The following LMNB1 variants were observed in gnomAD, a reference collection of about 807,000 sequenced individuals.
The protein encoded by LMNB1 is lamin-B1.
LMNB1 carries 23 observed loss-of-function variants against 67.1 expected under a neutral mutation model. The observed-to-expected ratio is 0.34, with a 90% CI of 0.25 to 0.49. The LOEUF is 0.49. LMNB1 is among the 20% of genes least tolerant of loss of function. The pLI, the probability that LMNB1 is intolerant of heterozygous loss-of-function variation, is 0.99. For synonymous variants in LMNB1, 281 were observed against 282.9 expected (o/e 0.99, Z 0.07); for missense variants, 634 against 746.5 (o/e 0.85, Z 1.76).
At position 126,784,014 on chromosome 5, in the gene LMNB1, A is replaced by ATTTT. The variant is rs61578729; in HGVS notation, c.359+6171_359+6174dup. On this transcript the variant is annotated intron_variant, in intron 1 of 10. Transcript: ENST00000261366. Reference sequence around the variant, plus strand: ...GAGATTGTGCTTTGGCTGTCATTTGATTTTTTTTTTTTTTTTTTTTTTTTT... The same window carrying ATTTT: ...GAGATTGTGCTTTGGCTGTCATTTGATTTTTTTTTTTTTTTTTTTTTTTTTTTTT... Among the ~76,000 whole-genome samples the ATTTT allele has an allele frequency of 8.6e-4, 51 of 59,440 alleles. 8 individuals are homozygous for ATTTT. The highest frequency in any genetic ancestry group is 3.6e-3 in the African/African-American group (50 of 14,042). The allele number at this position is 59,440 out of a possible 152,430, so 39.0% of individuals were successfully genotyped here.
intron 3 of LMNB1, among the ~76,000 whole-genome samples, chr5:126,809,285 A>G (rs1751528770): frequency 6.6e-6 from 1 of 152,258 alleles, no homozygotes; most frequent in Non-Finnish European, 1.5e-5. Context: ...TGAGTTAGTC[A>G]ACTAATATTG....
At chr5:126,783,715 G>A (rs1193493673) in intron 1 of LMNB1, among the ~76,000 whole-genome samples, 1 of 152,098 alleles carries the variant, frequency 6.6e-6, no homozygotes, top group Admixed American at 6.6e-5. Context: ...TTAAAATATG[G>A]TGGGTCTTTT....
chr5:126,830,674 C>T (rs1580559049), intron 9 of LMNB1, among the ~76,000 whole-genome samples: 1 of 152,320 alleles, frequency 6.6e-6, no homozygotes, highest in Middle Eastern at 3.4e-3. Flanking sequence ...TAAGCTACAT[C>T]ATGAGCCTTA....
At position 126,788,713 on chromosome 5, in the gene LMNB1, A is replaced by G. The variant is rs573243395; in HGVS notation, c.359+10846A>G. On this transcript the variant is annotated intron_variant, in intron 1 of 10. Coordinates refer to ENST00000261366, the MANE Select transcript of LMNB1 (RefSeq NM_005573.4). ...GGGTTTTTTGTTTGATGAAGCCTAA[A>G]AAGTATCTGTTGTCATTGGTGTTTT... Among the ~76,000 whole-genome samples, 3 of 152,240 alleles carry G rather than the reference A, an allele frequency of 2.0e-5. No homozygotes were observed. The South Asian group carries it at 6.2e-4, about 32-fold the overall frequency.
At chr5:126,824,466 C>T (rs142365266) in intron 8 of LMNB1, among the ~76,000 whole-genome samples, 4 of 151,982 alleles carry the variant, frequency 2.6e-5, no homozygotes, top group Non-Finnish European at 5.9e-5. Context: ...TCAGACTAGC[C>T]ATATTTTAAG....
chr5:126,826,203 A>G, intron 9 of LMNB1, 96 bp downstream of exon 9: 1 of 1,402,448 alleles, frequency 7.1e-7, no homozygotes, highest in Non-Finnish European at 9.8e-7. Context: ...GCAATAACCG[A>G]TTGCATAAAC....
rs962148032 is a variant in LMNB1, at chr5:126,836,673, C to T, written c.*409C>T. On this transcript the variant is annotated 3_prime_UTR_variant, in exon 11 of 11. Transcript: ENST00000261366. ...TCATTATTCTCTGCTATATATAAAA[C>T]GGTGCTGTGAGGGAGGGGAAAAGCA... The T allele has an allele frequency of 3.8e-5, 14 of 370,654 alleles. No individual in the cohort carries two copies. The highest frequency in any genetic ancestry group is 9.1e-5 in the Admixed American group (2 of 21,888). The allele number at this position is 370,654 out of a possible 1,614,324, so 23.0% of individuals were successfully genotyped here. A position where few individuals can be genotyped will look rare whatever the true frequency, so the allele number is the denominator to read the frequency against.
At chr5:126,804,649 C>T (rs1751370781) in intron 1 of LMNB1, 127 bp from the exon 2 acceptor site, 1 of 760,618 alleles carries the variant, frequency 1.3e-6, no homozygotes, top group Non-Finnish European at 2.0e-6. Flanking sequence ...AATTGCTTCT[C>T]TAATTTTGAT....
At chr5:126,804,673 CT>C in intron 1 of LMNB1, 102 bp from the exon 2 acceptor site, 1 of 1,060,164 alleles carries the variant, frequency 9.4e-7, no homozygotes, top group African/African-American at 1.6e-5. Context: ...TGATGGGAGC[CT>C]TTATTTAAAC....
intron 9 of LMNB1, among the ~76,000 whole-genome samples, chr5:126,830,230 A>C (rs1031396807): frequency 6.6e-6 from 1 of 152,244 alleles, no homozygotes; most frequent in Non-Finnish European, 1.5e-5. Flanking sequence ...AGGTGCAGCC[A>C]GCTCCGGGCA....
chr5:126,808,162 G>A lies in LMNB1; in HGVS notation c.643-2018G>A, dbSNP rs138793043. The stretch of plus-strand genomic sequence containing the variant: ...GCTGGGATTATAGTTGTGAGCCACC[G>A]CACCTGGCCTTTTTTACTTTAAAAA... On this transcript the variant is annotated intron_variant, in intron 3 of 10. Transcript: ENST00000261366. Among the ~76,000 whole-genome samples the A allele has an allele frequency of 8.6e-3, 1,239 of 144,022 alleles. 10 individuals carry two copies. The highest frequency in any genetic ancestry group is 0.013 in the Non-Finnish European group (852 of 65,822). The allele number at this position is 144,022 out of a possible 152,430, so 94.5% of individuals were successfully genotyped here. A position where few individuals can be genotyped will look rare whatever the true frequency, so the allele number is the denominator to read the frequency against.
intron 1 of LMNB1, among the ~76,000 whole-genome samples, chr5:126,789,463 T>A (rs1750897713): frequency 6.6e-6 from 1 of 152,178 alleles, no homozygotes; most frequent in Admixed American, 6.5e-5. Context: ...ACAGCTCGCA[T>A]AAATGGAACT....
chr5:126,791,781 GAT>G (rs1750964764), intron 1 of LMNB1, among the ~76,000 whole-genome samples: 1 of 146,206 alleles, frequency 6.8e-6, no homozygotes, highest in Non-Finnish European at 1.5e-5. Context: ...TTATTCCCTT[GAT>G]GTCTCTTTTT....
intron 1 of LMNB1, among the ~76,000 whole-genome samples, chr5:126,802,881 T>TA (rs1284631884): frequency 6.6e-6 from 1 of 151,854 alleles, no homozygotes; most frequent in Non-Finnish European, 1.5e-5. Flanking sequence ...GAACTCCATT[T>TA]AAAAAAAAGT....
intron 1 of LMNB1, among the ~76,000 whole-genome samples, chr5:126,787,546 A>ATATATATATATATTTT: frequency 9.1e-5 from 6 of 65,582 alleles, no homozygotes; most frequent in African/African-American, 3.3e-4. Context: ...ATATATATAT[A>ATATATATATATATTTT]TTTTTTTTTT....
chr5:126,781,569 T>C (rs1750634441), intron 1 of LMNB1, among the ~76,000 whole-genome samples: 1 of 151,994 alleles, frequency 6.6e-6, no homozygotes, highest in Non-Finnish European at 1.5e-5. Flanking sequence ...CCCAAGTAGC[T>C]GGGATTACAG....
chr5:126,798,864 C>T (rs1751186515), intron 1 of LMNB1, among the ~76,000 whole-genome samples: 1 of 151,868 alleles, frequency 6.6e-6, no homozygotes, highest in South Asian at 2.1e-4. Context: ...AAGTCATGGG[C>T]CTTGCCCTCA....
intron 1 of LMNB1, among the ~76,000 whole-genome samples, chr5:126,783,058 GC>G (rs1326890152): frequency 6.6e-6 from 1 of 151,750 alleles, no homozygotes; most frequent in African/African-American, 2.4e-5. Flanking sequence ...AATCAGCCGG[GC>G]GTGGTGGTGC....
In LMNB1 at chr5:126,777,603, A is replaced by G; in HGVS notation, c.95A>G (p.Glu32Gly). ...LSPTRLSRLQ[E>G]KEELRELNDR... ...CCCACGCGCCTGTCGCGGCTCCAGGAGAAGGAGGAGCTGCGCGAGCTCAAT... is the reference window on the plus strand; with the variant it reads ...CCCACGCGCCTGTCGCGGCTCCAGGGGAAGGAGGAGCTGCGCGAGCTCAAT... The change falls in exon 1 of 11, where the codon GAG (glutamate) becomes GGG (glycine). Residue 32 changes from glutamate to glycine, a missense_variant. By Grantham distance (98) the Glu-to-Gly change is moderately conservative (BLOSUM62 -2). Coordinates refer to ENST00000261366, the MANE Select transcript of LMNB1 (RefSeq NM_005573.4). 1 of 1,535,110 alleles carries G rather than the reference A, an allele frequency of 6.5e-7. No homozygotes were observed. Among genetic ancestry groups the G allele is most frequent in the African/African-American group, 1.4e-5 (1 of 70,686 alleles).
Sources: gnomAD v4.1 joint callset for allele counts (sites outside exome capture counted in the v4.1 genomes callset) on GRCh38, gnomAD v4.1.1 for gene constraint, MANE v1.5 for transcripts, NCBI Gene and HGNC (gene_info 2026-07-23, HGNC 2026-07-21) for gene names.